Variants in CSMD1 observed in about 807,000 individuals in gnomAD.
CSMD1 encodes CUB and Sushi multiple domains 1, also known as CUB and sushi domain-containing protein 1.
A neutral mutation model predicts 417.5 loss-of-function variants in CSMD1; 213 were observed. The observed-to-expected ratio is 0.51, with a 90% CI of 0.46 to 0.57. The LOEUF (loss-of-function observed/expected upper bound fraction) is 0.57. Among genes scored for constraint, CSMD1 ranks in the 20% least tolerant of loss-of-function variants. The pLI is 0.00. For synonymous variants in CSMD1, 2,862 were observed against 1,736.8 expected, an observed-to-expected ratio of 1.65 and a Z score of -16.11; for missense variants, 6,923 against 4,529.7, an observed-to-expected ratio of 1.53 and a Z score of -15.17.
At chr8:4,619,664 G>C (rs973972668) in intron 2 of CSMD1, among the ~76,000 whole-genome samples, 2 of 152,118 alleles carry the variant, frequency 1.3e-5, no homozygotes, top group African/African-American at 2.4e-5. Context: ...TTTTATTGAA[G>C]TGCCAAAGAT....
At chr8:3,809,504 A>T (rs1320527235) in intron 5 of CSMD1, among the ~76,000 whole-genome samples, 1 of 152,110 alleles carries the variant, frequency 6.6e-6, no homozygotes, top group East Asian at 1.9e-4. Flanking sequence ...GTTTCCTTTT[A>T]ATTGGGTCAT....
At chr8:4,376,969 C>A (rs1330463338) in intron 3 of CSMD1, among the ~76,000 whole-genome samples, 1 of 152,180 alleles carries the variant, frequency 6.6e-6, no homozygotes, top group South Asian at 2.1e-4. Context: ...CGCACAGGTG[C>A]TGAGCACCAG....
chr8:4,025,045 C>G (rs975411991), intron 4 of CSMD1, among the ~76,000 whole-genome samples: 2 of 152,090 alleles, frequency 1.3e-5, no homozygotes, highest in South Asian at 2.1e-4. Flanking sequence ...GCAGCCGGGA[C>G]AACATCAGAC....
chr8:3,991,890 G>A (rs540269104), intron 5 of CSMD1, among the ~76,000 whole-genome samples: 1 of 152,072 alleles, frequency 6.6e-6, no homozygotes, highest in Non-Finnish European at 1.5e-5. Context: ...AATGGGAATA[G>A]TAGTATCTCC....
At chr8:4,906,929 G>A (rs558359533) in intron 1 of CSMD1, among the ~76,000 whole-genome samples, 2 of 152,232 alleles carry the variant, frequency 1.3e-5, no homozygotes, top group East Asian at 1.9e-4. Flanking sequence ...ATATTAGTAG[G>A]TATTTTCCTA....
intron 4 of CSMD1, among the ~76,000 whole-genome samples, chr8:4,002,752 C>T (rs916197856): frequency 2.0e-5 from 3 of 152,068 alleles, no homozygotes; most frequent in African/African-American, 7.2e-5. Context: ...AGTGAAGAGA[C>T]ATTATTTAAC....
At chr8:4,580,434 A>G (rs568535795) in intron 2 of CSMD1, among the ~76,000 whole-genome samples, 1 of 152,346 alleles carries the variant, frequency 6.6e-6, no homozygotes, top group Admixed American at 6.5e-5. Context: ...GCATAAAAAA[A>G]ACTATTGCAT....
chr8:4,193,650 A>G (rs1563252394), intron 3 of CSMD1, among the ~76,000 whole-genome samples: 1 of 152,150 alleles, frequency 6.6e-6, no homozygotes, highest in African/African-American at 2.4e-5. Flanking sequence ...CCCAGTGTTT[A>G]GTATTTACCC....
intron 3 of CSMD1, among the ~76,000 whole-genome samples, chr8:4,209,359 G>T (rs562601247): frequency 2.0e-5 from 3 of 152,218 alleles, no homozygotes; most frequent in Admixed American, 2.0e-4. Flanking sequence ...AATTCCAAAG[G>T]ACACATAGAT....
chr8:4,797,830 A>C (rs1798062570), intron 1 of CSMD1, among the ~76,000 whole-genome samples: 1 of 152,196 alleles, frequency 6.6e-6, no homozygotes, highest in South Asian at 2.1e-4. Context: ...AAAATGTATA[A>C]TTATCAAGAG....
intron 3 of CSMD1, among the ~76,000 whole-genome samples, chr8:4,072,214 T>G (rs1052247093): frequency 1.3e-5 from 2 of 152,234 alleles, no homozygotes; most frequent in Non-Finnish European, 2.9e-5. Context: ...ATTTTTATAT[T>G]TCATCCACAG....
Position 4,087,785 on chromosome 8 carries a change from T to G in CSMD1, c.416-55686A>C, listed in dbSNP as rs148121656. Among the ~76,000 whole-genome samples, 66 of 152,284 alleles carry G rather than the reference T, an allele frequency of 4.3e-4. 1 individual carries two copies. The East Asian group carries it at 0.012, about 28-fold the overall frequency. On this transcript the variant is annotated intron_variant, in intron 3 of 69. Transcript: ENST00000635120. ...TCTTTCTATATTTTCTCTTTTATAT[T>G]GTCTCACATTTATTTTTATTTTAGC... is the stretch of plus-strand genomic sequence containing the variant.
intron 3 of CSMD1, among the ~76,000 whole-genome samples, chr8:4,122,558 T>C (rs930322177): frequency 6.6e-6 from 1 of 152,150 alleles, no homozygotes; most frequent in Non-Finnish European, 1.5e-5. Flanking sequence ...CCCCGTGCTT[T>C]CCCAATGTTT....
intron 3 of CSMD1, among the ~76,000 whole-genome samples, chr8:4,149,208 T>C (rs1161078770): frequency 1.3e-5 from 2 of 151,986 alleles, no homozygotes; most frequent in Non-Finnish European, 2.9e-5. Context: ...AGGTGATCCG[T>C]CCACCTCGGC....
chr8:4,534,345 A>T (rs1796990454), intron 2 of CSMD1, among the ~76,000 whole-genome samples: 1 of 152,220 alleles, frequency 6.6e-6, no homozygotes, highest in Non-Finnish European at 1.5e-5. Flanking sequence ...CTTTGAAGCA[A>T]TTTTTGCTAT....
At chr8:3,425,718 C>G (rs1013001244) in intron 12 of CSMD1, among the ~76,000 whole-genome samples, 16 of 152,160 alleles carry the variant, frequency 1.1e-4, no homozygotes, top group African/African-American at 2.4e-5. Context: ...AGAAAAACAT[C>G]AAAGAAAATC....
At chr8:3,926,166 T>G (rs949449542) in intron 5 of CSMD1, among the ~76,000 whole-genome samples, 5 of 151,194 alleles carry the variant, frequency 3.3e-5, no homozygotes, top group African/African-American at 1.2e-4. Flanking sequence ...TTATGTATAC[T>G]TTCTAAGTCA....
intron 2 of CSMD1, among the ~76,000 whole-genome samples, chr8:4,427,142 G>A (rs746731944): frequency 6.6e-6 from 1 of 151,224 alleles, no homozygotes; most frequent in African/African-American, 2.4e-5. Flanking sequence ...GCCAGGTAGG[G>A]GTGGTGAGGA....
chr8:4,487,098 G>C (rs563823476), intron 2 of CSMD1, among the ~76,000 whole-genome samples: 1 of 151,962 alleles, frequency 6.6e-6, no homozygotes, highest in African/African-American at 2.4e-5. Context: ...TGCCATCTTA[G>C]CCTCAAGGAA....
Sources: allele counts gnomAD v4.1 joint callset (sites outside exome capture counted in the v4.1 genomes callset), GRCh38; gene constraint gnomAD v4.1.1; transcripts MANE v1.5; gene names NCBI Gene and HGNC (gene_info 2026-07-23, HGNC 2026-07-21).